CSTF2: variants seen among roughly 807,000 people sequenced by gnomAD.
CSTF2 encodes CF-1 64 kDa subunit.
A neutral mutation model predicts 45.4 loss-of-function variants in CSTF2; 8 were observed. That is an observed-to-expected ratio of 0.18 (90% CI 0.10 to 0.32). The LOEUF (loss-of-function observed/expected upper bound fraction) is 0.32. CSTF2 is among the 10% of genes least tolerant of loss of function. The pLI is 1.00. For missense variants in CSTF2, 253 were observed against 477.1 expected, an observed-to-expected ratio of 0.53 and a Z score of 4.38; for synonymous variants, 155 against 158.9, an observed-to-expected ratio of 0.98 and a Z score of 0.18.
chrX:100,830,708 A>G (rs1305491213), intron 8 of CSTF2: 3 of 634,777 alleles, frequency 4.7e-6, no homozygotes, highest in African/African-American at 4.5e-5. Flanking sequence ...TTTAACTTAT[A>G]TATGTAAATC....
chrX:100,825,862 T>C (rs2084941248), intron 6 of CSTF2, among the ~76,000 whole-genome samples: 1 of 112,232 alleles, frequency 8.9e-6, no homozygotes, highest in African/African-American at 3.2e-5. Context: ...GACACAATTA[T>C]AAGTGGCAGA....
chrX:100,834,821 A>G (rs765881511), intron 11 of CSTF2, among the ~76,000 whole-genome samples: 8 of 112,183 alleles, frequency 7.1e-5, no homozygotes, highest in Non-Finnish European at 1.3e-4. Context: ...AAATAACTAC[A>G]TAATGCGCTT....
intron 8 of CSTF2, 36 bp downstream of exon 8, chrX:100,828,138 G>C: frequency 9.3e-7 from 1 of 1,076,622 alleles, no homozygotes; most frequent in Non-Finnish European, 1.3e-6. Context: ...ATGTTAATTG[G>C]TCATGGAAGT....
intron 8 of CSTF2, among the ~76,000 whole-genome samples, chrX:100,830,298 C>T (rs760989017): frequency 8.9e-6 from 1 of 112,113 alleles, no homozygotes; most frequent in African/African-American, 3.2e-5. Flanking sequence ...ACATTTTTGA[C>T]AGCAGAAATT....
chrX:100,823,194 T>C, intron 3 of CSTF2, 98 bp from the exon 4 acceptor site: 1 of 950,546 alleles, frequency 1.1e-6, no homozygotes, highest in Non-Finnish European at 1.4e-6. Context: ...TCTAAAATTA[T>C]CAGCTGGTTC....
At chrX:100,822,676 C>T (rs920239058) in intron 3 of CSTF2, 25 of 370,461 alleles carry the variant, frequency 6.7e-5, no homozygotes, top group Middle Eastern at 8.2e-4. Context: ...GGCCTCAAAC[C>T]GTTTCAAAAC....
chrX:100,820,740 AGAG>A (rs754202072), intron 1 of CSTF2: 1 of 475,244 alleles, frequency 2.1e-6, no homozygotes, highest in African/African-American at 2.4e-5. Flanking sequence ...ATTATTCTCT[AGAG>A]GAGAAGGCTC....
At chrX:100,834,059 A>G (rs778153570) in intron 11 of CSTF2, among the ~76,000 whole-genome samples, 1 of 111,841 alleles carries the variant, frequency 8.9e-6, no homozygotes, top group Admixed American at 9.5e-5. Flanking sequence ...AAAGGTGTGG[A>G]ACCGAAGTCT....
chrX:100,822,142 A>T, intron 2 of CSTF2, 109 bp from the exon 3 acceptor site: 1 of 521,634 alleles, frequency 1.9e-6, no homozygotes, highest in Non-Finnish European at 3.0e-6. Context: ...AGGCTGTCAG[A>T]GATATAAGGT....
At chrX:100,830,831 G>T in intron 8 of CSTF2, 1 of 1,154,486 alleles carries the variant, frequency 8.7e-7, no homozygotes, top group Non-Finnish European at 1.1e-6. Flanking sequence ...CTCGCCCGTG[G>T]GACCCGCCGG....
At chrX:100,824,365 C>A in intron 6 of CSTF2, 108 bp downstream of exon 6, 1 of 895,396 alleles carries the variant, frequency 1.1e-6, no homozygotes, top group Non-Finnish European at 1.5e-6. Flanking sequence ...ATGATAATTT[C>A]AATTTCCAGG....
Position 100,822,428 on chromosome X carries a change from C to T in CSTF2, c.307+8C>T. ...ACAAAGAAGAGCTGAAGAGTGAGTA[C>T]AAATCCAACTTGGATGCAGTATGAG... On this transcript the variant is annotated splice_region_variant and intron_variant, in intron 3 of 13. Coordinates refer to ENST00000372972, the MANE Select transcript of CSTF2 (RefSeq NM_001325.3). 1 of 1,205,235 alleles carries T rather than the reference C, an allele frequency of 8.3e-7. No homozygotes were observed. The highest frequency in any genetic ancestry group is 1.1e-6 in the Non-Finnish European group (1 of 890,300).
chrX:100,828,543 G>A (rs1246343865), intron 8 of CSTF2, among the ~76,000 whole-genome samples: 1 of 112,116 alleles, frequency 8.9e-6, no homozygotes, highest in African/African-American at 3.2e-5. Flanking sequence ...GTAAATATGT[G>A]GCTGGGTATG....
At chrX:100,828,554 T>C (rs1324230617) in intron 8 of CSTF2, among the ~76,000 whole-genome samples, 1 of 112,265 alleles carries the variant, frequency 8.9e-6, no homozygotes, top group Non-Finnish European at 1.9e-5. Context: ...GCTGGGTATG[T>C]AGAAGACTAG....
chrX:100,837,055 A>C (rs1354933330), intron 11 of CSTF2, among the ~76,000 whole-genome samples: 1 of 111,640 alleles, frequency 9.0e-6, no homozygotes, highest in Non-Finnish European at 1.9e-5. Context: ...CACTGTGCTT[A>C]TTTGGCTGAA....
intron 8 of CSTF2, among the ~76,000 whole-genome samples, chrX:100,831,197 C>T (rs1053461799): frequency 4.4e-4 from 49 of 111,314 alleles, no homozygotes; most frequent in African/African-American, 1.6e-3. Context: ...AAGACTCTAC[C>T]TCTGTTTTGT....
At chrX:100,827,459 A>G (rs1446012200) in intron 7 of CSTF2, among the ~76,000 whole-genome samples, 2 of 112,021 alleles carry the variant, frequency 1.8e-5, no homozygotes, top group Non-Finnish European at 3.8e-5. Context: ...TATTACCAAT[A>G]TTTAAAGTTT....
At chrX:100,829,885 A>G (rs773098115) in intron 8 of CSTF2, among the ~76,000 whole-genome samples, 4 of 112,475 alleles carry the variant, frequency 3.6e-5, no homozygotes, top group African/African-American at 1.3e-4. Flanking sequence ...TATTATAGTT[A>G]TCTTCACCTT....
At chrX:100,837,566 A>G in intron 12 of CSTF2, 117 bp downstream of exon 12, 1 of 447,454 alleles carries the variant, frequency 2.2e-6, no homozygotes, top group Non-Finnish European at 3.8e-6. Context: ...GGTGATGTTT[A>G]TTCTAACTTA....
Sources: gnomAD v4.1 joint callset for allele counts (sites outside exome capture counted in the v4.1 genomes callset) on GRCh38, gnomAD v4.1.1 for gene constraint, MANE v1.5 for transcripts, NCBI Gene and HGNC (gene_info 2026-07-23, HGNC 2026-07-21) for gene names.